The following CCAR1 variants were observed in gnomAD, a reference collection of about 807,000 sequenced individuals.
The protein encoded by CCAR1 is cell division cycle and apoptosis regulator 1.
In CCAR1, 78 loss-of-function variants were observed where a neutral mutation model predicts 163.8. That is an observed-to-expected ratio of 0.48 (90% confidence interval 0.40 to 0.57). CCAR1 has a LOEUF of 0.57. Among genes scored for constraint, CCAR1 ranks in the 20% least tolerant of loss-of-function variants. The pLI, the probability that CCAR1 is intolerant of heterozygous loss-of-function variation, is 0.00. For synonymous variants in CCAR1, 443 were observed against 460.7 expected, an observed-to-expected ratio of 0.96 and a Z score of 0.49; for missense variants, 1,019 against 1,365.2, an observed-to-expected ratio of 0.75 and a Z score of 4.00.
chr10:68,773,154 G>C, intron 19 of CCAR1, 55 bp downstream of exon 19: 1 of 920,188 alleles, frequency 1.1e-6, no homozygotes. Context: ...TTTTTTGTTT[G>C]CTGACATTGT....
At chr10:68,737,811 T>A in intron 3 of CCAR1, 34 bp from the exon 4 acceptor site, 1 of 1,395,590 alleles carries the variant, frequency 7.2e-7, no homozygotes, top group Admixed American at 2.0e-5. Context: ...AGTGTCTGTA[T>A]TTTTCTTTGA....
chr10:68,757,897 C>A (rs867851191), intron 15 of CCAR1, among the ~76,000 whole-genome samples: 3 of 152,064 alleles, frequency 2.0e-5, no homozygotes, highest in African/African-American at 7.2e-5. Flanking sequence ...CCTGCCACCA[C>A]GCCCGGCTAA....
intron 3 of CCAR1, among the ~76,000 whole-genome samples, chr10:68,737,331 A>G (rs145942375): frequency 9.2e-5 from 14 of 152,064 alleles, no homozygotes; most frequent in Non-Finnish European, 2.1e-4. Flanking sequence ...GTGGTGAGAC[A>G]GCGTCTGCAG....
At position 68,789,883 on chromosome 10, in the gene CCAR1, G is replaced by C; in HGVS notation, c.3361G>C (p.Val1121Leu). The C allele has an allele frequency of 6.3e-7, 1 of 1,595,782 alleles. No individual in the cohort carries two copies. The highest frequency in any genetic ancestry group is 1.4e-5 in the African/African-American group (1 of 73,952). Residue 1121 changes from valine (V) to leucine (L), a missense_variant, in exon 24 of 25, where the codon GTA becomes CTA. Physicochemically the swap from Val to Leu is conservative, Grantham distance 32. This residue lies in a region of CCAR1 where 358 missense variants were observed against 406.4 expected (regional missense o/e 0.88). Transcript: ENST00000265872. ...TAAGACAATCAGAAACTTATCTACG[G>C]TAATGGATGAAATCCACACTGTTCT... Reference protein sequence around the residue: ...MNKTIRNLSTVMDEIHTVLKK... With the variant: ...MNKTIRNLSTLMDEIHTVLKK...
rs1371123686 is a variant in CCAR1, at chr10:68,729,717, AAT to A, written c.73+7142_73+7143del. 2.8e-4 allele frequency among the ~76,000 whole-genome samples: 43 copies of A among 151,284 alleles called. 1 individual carries two copies. The highest frequency in any genetic ancestry group is 7.4e-5 in the Non-Finnish European group (5 of 67,850). On this transcript the variant is annotated intron_variant, in intron 2 of 24. Coordinates refer to ENST00000265872, the MANE Select transcript of CCAR1 (RefSeq NM_018237.4). ...AACTCCGTCTTAAAAAAAAAAAAAA[AAT>A]ACAAAAACATTTCTTGGGTCAGTTT...
At chr10:68,771,104 C>A in intron 17 of CCAR1, 102 bp from the exon 18 acceptor site, 3 of 984,398 alleles carry the variant, frequency 3.0e-6, no homozygotes, top group Non-Finnish European at 4.5e-6. Flanking sequence ...GATAAGTTTA[C>A]ATAATCGTTG....
At chr10:68,750,955 G>A (rs577077932) in intron 10 of CCAR1, among the ~76,000 whole-genome samples, 1 of 151,834 alleles carries the variant, frequency 6.6e-6, no homozygotes, top group South Asian at 2.1e-4. Flanking sequence ...TGGTGACTTT[G>A]CTTAATTATG....
At chr10:68,767,261 C>T (rs2056547421) in intron 17 of CCAR1, among the ~76,000 whole-genome samples, 1 of 152,040 alleles carries the variant, frequency 6.6e-6, no homozygotes, top group African/African-American at 2.4e-5. Flanking sequence ...TTTTTTGTAT[C>T]ATTATTTTAT....
In CCAR1 at chr10:68,786,554, A is replaced by G; in HGVS notation, c.2742A>G (p.Glu914=). The change falls in exon 21 of 25, where the codon GAA becomes GAG. Residue 914 remains glutamate, a synonymous_variant. Coordinates refer to ENST00000265872, the MANE Select transcript of CCAR1 (RefSeq NM_018237.4). ...CTTCTCCATTTTCTTAGGAAAAAGA[A>G]AAGACTCAAATGATCACAATTAACA... ...KERPSKDKEK[E]KTQMITINRD... 6.4e-7 allele frequency: 1 copy of G among 1,557,458 alleles called. No individual in the cohort carries two copies.
At chr10:68,760,879 C>CAA in intron 15 of CCAR1, 128 bp from the exon 16 acceptor site, 1 of 303,572 alleles carries the variant, frequency 3.3e-6, no homozygotes, top group East Asian at 6.6e-5. Context: ...AAACAAAAAA[C>CAA]AAAAAAAAAA....
chr10:68,729,292 C>CA lies in CCAR1; in HGVS notation c.73+6716dup, dbSNP rs1490435633. Among the ~76,000 whole-genome samples the CA allele has an allele frequency of 2.7e-5, 4 of 146,370 alleles. No homozygotes were observed. In the East Asian group the frequency reaches 6.1e-4, roughly 22 times the overall value. ...TTTTTTGGTTTTTTTTTTTTTGAGACAGAGTCTTGCTCTGTCGCCCATGCT... is the reference window on the plus strand; with the variant it reads ...TTTTTTGGTTTTTTTTTTTTTGAGACAAGAGTCTTGCTCTGTCGCCCATGCT... On this transcript the variant is annotated intron_variant, in intron 2 of 24. Coordinates refer to ENST00000265872, the MANE Select transcript of CCAR1 (RefSeq NM_018237.4).
At chr10:68,762,961 A>G (rs960115630) in intron 16 of CCAR1, among the ~76,000 whole-genome samples, 2 of 152,140 alleles carry the variant, frequency 1.3e-5, no homozygotes, top group Non-Finnish European at 2.9e-5. Context: ...CATAGAGAGT[A>G]TTTTTGGGAC....
chr10:68,787,618 C>T (rs551618936), intron 21 of CCAR1, among the ~76,000 whole-genome samples: 2 of 152,116 alleles, frequency 1.3e-5, no homozygotes, highest in East Asian at 3.9e-4. Flanking sequence ...GGTGGATCAC[C>T]TGAGGTCAGG....
chr10:68,752,366 C>T (rs184313282), intron 10 of CCAR1, among the ~76,000 whole-genome samples: 22 of 152,196 alleles, frequency 1.4e-4, no homozygotes, highest in African/African-American at 4.8e-4. Context: ...TAAGAAACTT[C>T]GTGCCCATGA....
intron 19 of CCAR1, among the ~76,000 whole-genome samples, chr10:68,776,260 T>C (rs990493513): frequency 1.3e-5 from 2 of 151,736 alleles, no homozygotes; most frequent in Admixed American, 6.6e-5. Context: ...CTTTTCTTTT[T>C]TTTTTTTAAG....
intron 3 of CCAR1, 67 bp downstream of exon 3, chr10:68,737,115 C>G: frequency 9.4e-7 from 1 of 1,059,470 alleles, no homozygotes; most frequent in South Asian, 1.4e-5. Flanking sequence ...GCTAGCATTG[C>G]TACCTTCATT....
intron 10 of CCAR1, 99 bp downstream of exon 10, chr10:68,749,784 G>A (rs566075714): frequency 1.1e-4 from 115 of 1,015,302 alleles, no homozygotes; most frequent in Middle Eastern, 6.4e-4. Context: ...TTGATTTCCC[G>A]ACAGTTAGTG....
chr10:68,771,050 C>T (rs776212045), intron 17 of CCAR1, among the ~76,000 whole-genome samples, 156 bp from the exon 18 acceptor site: 1 of 152,076 alleles, frequency 6.6e-6, no homozygotes, highest in Non-Finnish European at 1.5e-5. Flanking sequence ...TGCACTCCAG[C>T]CTGGGCGACA....
rs567508045 is a variant in CCAR1, at chr10:68,780,586, T to G, written c.2651-5550T>G. On this transcript the variant is annotated intron_variant, in intron 19 of 24. Transcript: ENST00000265872. ...GTAGACACTTTATAGGCATGCTTTG[T>G]TTTTTTTGCACTGCACTTTATTGTG... 5.9e-5 allele frequency among the ~76,000 whole-genome samples: 9 copies of G among 152,128 alleles called. No individual in the cohort carries two copies. The South Asian group carries it at 1.7e-3, about 28-fold the overall frequency.
Sources: allele counts gnomAD v4.1 joint callset (sites outside exome capture counted in the v4.1 genomes callset), GRCh38; gene constraint gnomAD v4.1.1; regional missense constraint gnomAD v4.1.1; transcripts MANE v1.5; gene names NCBI Gene and HGNC (gene_info 2026-07-23, HGNC 2026-07-21).